The following FTCDNL1 variants were observed in gnomAD, a reference collection of about 807,000 sequenced individuals.
The protein encoded by FTCDNL1 is formiminotransferase N-terminal subdomain-containing protein.
FTCDNL1 carries 11 observed loss-of-function variants against 5.9 expected under a neutral mutation model. That is an observed-to-expected ratio of 1.87 (90% CI 1.18 to 3.10). The LOEUF is 3.10. Ranked by LOEUF, FTCDNL1 falls within the 30% of genes most tolerant of loss-of-function variation. The pLI is 0.00. For synonymous variants in FTCDNL1, 58 were observed against 24.8 expected (o/e 2.34, Z -3.99); for missense variants, 115 against 65.5 (o/e 1.76, Z -2.61).
chr2:199,716,557 T>A, the FTCDNL1 span, among the ~76,000 whole-genome samples: 4 of 152,168 alleles, frequency 2.6e-5, no homozygotes, highest in Non-Finnish European at 5.9e-5. Context: ...CTCCCTGTGA[T>A]GAAGTTGTTT....
chr2:199,676,128 T>TA, the FTCDNL1 span, among the ~76,000 whole-genome samples: 1 of 152,126 alleles, frequency 6.6e-6, no homozygotes, highest in Non-Finnish European at 1.5e-5. Flanking sequence ...CAGTCACATA[T>TA]AGCACCCAGT....
At chr2:199,759,879 C>T (rs1698198677), downstream of FTCDNL1, among the ~76,000 whole-genome samples, 1 of 152,148 alleles carries the variant, frequency 6.6e-6, no homozygotes, top group African/African-American at 2.4e-5. Context: ...AACATGGCCA[C>T]ACCATCCTAG....
chr2:199,830,043 G>GA (rs879773682), intron 3 of FTCDNL1, among the ~76,000 whole-genome samples: 94 of 142,184 alleles, frequency 6.6e-4, no homozygotes, highest in East Asian at 1.2e-3. Flanking sequence ...AATCAAGTAG[G>GA]AAAAAAAAAA....
At chr2:199,725,770 G>A in the FTCDNL1 span, among the ~76,000 whole-genome samples, 1 of 152,148 alleles carries the variant, frequency 6.6e-6, no homozygotes, top group Non-Finnish European at 1.5e-5. Context: ...AGTTTGATGG[G>A]ATTCCCTTTG....
intron 3 of FTCDNL1, among the ~76,000 whole-genome samples, chr2:199,789,069 A>T (rs1262907843): frequency 6.6e-6 from 1 of 152,046 alleles, no homozygotes; most frequent in African/African-American, 2.4e-5. Context: ...CAATCTTCAA[A>T]TTGTTATAGT....
chr2:199,696,562 G>A, the FTCDNL1 span, among the ~76,000 whole-genome samples: 3 of 152,020 alleles, frequency 2.0e-5, no homozygotes, highest in Non-Finnish European at 4.4e-5. Flanking sequence ...ACCTGAAATT[G>A]TGCAGAAACA....
At chr2:199,850,527 T>C (rs1443711617) in intron 1 of FTCDNL1, among the ~76,000 whole-genome samples, 1 of 152,246 alleles carries the variant, frequency 6.6e-6, no homozygotes, top group Non-Finnish European at 1.5e-5. Context: ...GAAGCTGAAA[T>C]GAGCGGCAGT....
the FTCDNL1 span, among the ~76,000 whole-genome samples, chr2:199,734,690 G>A: frequency 4.6e-5 from 7 of 152,188 alleles, no homozygotes; most frequent in South Asian, 1.5e-3. Flanking sequence ...CAGAATGACT[G>A]GTTCCTGAGA....
chr2:199,844,886 T>C (rs1013744154), intron 3 of FTCDNL1, among the ~76,000 whole-genome samples: 2 of 152,110 alleles, frequency 1.3e-5, no homozygotes, highest in Non-Finnish European at 2.9e-5. Flanking sequence ...TGAGTAATTA[T>C]ATTAAAATAG....
At chr2:199,846,751 A>C (rs4672566) in intron 2 of FTCDNL1, among the ~76,000 whole-genome samples, 8,434 of 152,078 alleles carry the variant, frequency 0.055, 407 homozygotes, top group East Asian at 0.16. Flanking sequence ...GTGGTTTGTG[A>C]CTCTCTTGAA....
the FTCDNL1 span, among the ~76,000 whole-genome samples, chr2:199,668,035 A>T: frequency 6.6e-6 from 1 of 152,210 alleles, no homozygotes; most frequent in African/African-American, 2.4e-5. Context: ...AAGCAGTGTG[A>T]TGGTGCTTGC....
At chr2:199,819,267 G>A (rs1701536379) in intron 4 of FTCDNL1, 1 of 342,014 alleles carries the variant, frequency 2.9e-6, no homozygotes, top group Admixed American at 4.2e-5. Context: ...GGGGCCTCCA[G>A]GACCCTGCCC....
At chr2:199,804,606 G>A (rs1054483076), downstream of FTCDNL1, among the ~76,000 whole-genome samples, 1 of 152,104 alleles carries the variant, frequency 6.6e-6, no homozygotes, top group Admixed American at 6.5e-5. Flanking sequence ...AGGAAACTGC[G>A]AATTTGACAA....
At chr2:199,667,107 A>G in the FTCDNL1 span, among the ~76,000 whole-genome samples, 1 of 152,096 alleles carries the variant, frequency 6.6e-6, no homozygotes, top group African/African-American at 2.4e-5. Flanking sequence ...TATTCCTAGG[A>G]GGCTTTTTTC....
At chr2:199,812,866 C>T (rs1015393082) in intron 4 of FTCDNL1, 142 bp from the exon 5 acceptor site, 14 of 589,278 alleles carry the variant, frequency 2.4e-5, no homozygotes, top group African/African-American at 1.7e-4. Context: ...GATTCAGTCG[C>T]TATTATTTCA....
intron 3 of FTCDNL1, among the ~76,000 whole-genome samples, chr2:199,772,496 TAAGTAA>T (rs1269855296): frequency 1.3e-5 from 2 of 152,110 alleles, no homozygotes; most frequent in Admixed American, 1.3e-4. Context: ...TAGTAGGGGT[TAAGTAA>T]ATGTCAGTAT....
the FTCDNL1 span, among the ~76,000 whole-genome samples, chr2:199,716,969 C>A: frequency 3.9e-5 from 6 of 152,042 alleles, no homozygotes; most frequent in African/African-American, 1.4e-4. Flanking sequence ...TCACTCTGGG[C>A]TGTTCTGCTT....
At chr2:199,766,761 A>T (rs1187170399) in intron 3 of FTCDNL1, among the ~76,000 whole-genome samples, 1 of 152,180 alleles carries the variant, frequency 6.6e-6, no homozygotes, top group African/African-American at 2.4e-5. Flanking sequence ...TAGTAAAGAA[A>T]GTACTCTCTA....
chr2:199,846,671 G>C (rs1311259621), intron 2 of FTCDNL1, among the ~76,000 whole-genome samples: 1 of 152,180 alleles, frequency 6.6e-6, no homozygotes, highest in Non-Finnish European at 1.5e-5. Flanking sequence ...ATTAGAAACT[G>C]TTCTGAGTCC....
Sources: gnomAD v4.1 joint callset for allele counts (sites outside exome capture counted in the v4.1 genomes callset) on GRCh38, gnomAD v4.1.1 for gene constraint, MANE v1.5 for transcripts, NCBI Gene and HGNC (gene_info 2026-07-23, HGNC 2026-07-21) for gene names.